SNX29: variants seen among roughly 807,000 people sequenced by gnomAD.
The protein encoded by SNX29 is sorting nexin-29.
In SNX29, 78 loss-of-function variants were observed where a neutral mutation model predicts 102.1. The ratio of observed to expected loss-of-function variants is 0.76; its 90% CI spans 0.64 to 0.92. The LOEUF (loss-of-function observed/expected upper bound fraction) is 0.92, where lower values mean the gene tolerates loss of function less well. Among genes scored for constraint, SNX29 ranks in the 40% least tolerant of loss-of-function variants. SNX29 has a pLI of 0.00. For synonymous variants in SNX29, 580 were observed against 414.5 expected, an observed-to-expected ratio of 1.40 and a Z score of -4.85; for missense variants, 1,280 against 1,061.7, an observed-to-expected ratio of 1.21 and a Z score of -2.86.
chr16:12,065,909 G>A (rs752859457), intron 9 of SNX29, among the ~76,000 whole-genome samples: 35 of 152,030 alleles, frequency 2.3e-4, no homozygotes, highest in African/African-American at 4.1e-4. Context: ...TTAAATTTTC[G>A]GGATCCATTT....
At chr16:12,136,444 C>G (rs954643070) in intron 13 of SNX29, among the ~76,000 whole-genome samples, 1 of 152,198 alleles carries the variant, frequency 6.6e-6, no homozygotes, top group Non-Finnish European at 1.5e-5. Context: ...CCTTTGATGG[C>G]AGAAACCCAC....
chr16:12,080,411 G>A (rs571204820), intron 11 of SNX29, among the ~76,000 whole-genome samples: 17 of 152,328 alleles, frequency 1.1e-4, no homozygotes, highest in Non-Finnish European at 2.1e-4. Context: ...ACTCCGCTGA[G>A]CAGGTGTTAA....
intron 11 of SNX29, among the ~76,000 whole-genome samples, chr16:12,100,483 C>G (rs1334027300): frequency 6.6e-6 from 1 of 152,108 alleles, no homozygotes; most frequent in Non-Finnish European, 1.5e-5. Flanking sequence ...GCTCTGTCCT[C>G]TACGGTAAAG....
intron 5 of SNX29, among the ~76,000 whole-genome samples, chr16:12,046,086 C>T (rs1345720400): frequency 6.6e-6 from 1 of 152,282 alleles, no homozygotes; most frequent in Non-Finnish European, 1.5e-5. Context: ...TGGAAGTCAC[C>T]CACCTGACAG....
chr16:12,129,167 T>A (rs1262486620), intron 12 of SNX29, among the ~76,000 whole-genome samples: 1 of 152,256 alleles, frequency 6.6e-6, no homozygotes, highest in Non-Finnish European at 1.5e-5. Context: ...TAGACGTTTA[T>A]GAGATAATCT....
At chr16:12,190,461 A>G (rs556020875) in intron 13 of SNX29, among the ~76,000 whole-genome samples, 1 of 151,984 alleles carries the variant, frequency 6.6e-6, no homozygotes, top group African/African-American at 2.4e-5. Context: ...CTGGGGGCAG[A>G]GGAGGGAGCT....
At chr16:12,499,491 C>T (rs992914043) in intron 19 of SNX29, among the ~76,000 whole-genome samples, 6 of 152,148 alleles carry the variant, frequency 3.9e-5, no homozygotes, top group Non-Finnish European at 5.9e-5. Context: ...TGTGCTTAGG[C>T]CACATAGCTC....
chr16:12,544,183 G>A (rs1015067301), intron 20 of SNX29, among the ~76,000 whole-genome samples: 2 of 152,188 alleles, frequency 1.3e-5, no homozygotes, highest in Non-Finnish European at 2.9e-5. Flanking sequence ...TCGGTGGTGT[G>A]CACATCAGCC....
intron 16 of SNX29, among the ~76,000 whole-genome samples, chr16:12,393,449 G>C (rs149199302): frequency 7.2e-6 from 1 of 138,658 alleles, no homozygotes; most frequent in Non-Finnish European, 1.5e-5. Flanking sequence ...GTTAGTTCGT[G>C]CCTACATGTG....
At chr16:12,446,471 G>A (rs1291817607) in intron 18 of SNX29, among the ~76,000 whole-genome samples, 1 of 152,216 alleles carries the variant, frequency 6.6e-6, no homozygotes, top group East Asian at 1.9e-4. Flanking sequence ...TGTAGTAACT[G>A]CCTCTAATTG....
chr16:12,566,754 C>G (rs1037053420), intron 20 of SNX29, among the ~76,000 whole-genome samples: 2 of 152,208 alleles, frequency 1.3e-5, no homozygotes, highest in Non-Finnish European at 2.9e-5. Context: ...CAGCCAGACA[C>G]CCACCTAAAG....
At chr16:12,395,319 C>A (rs61098049) in intron 16 of SNX29, among the ~76,000 whole-genome samples, 14,886 of 152,174 alleles carry the variant, frequency 0.098, 829 homozygotes, top group Middle Eastern at 0.17. Flanking sequence ...TGTCCCTGCT[C>A]CCCATCTGCC....
At chr16:12,428,335 G>A (rs2085166920) in intron 18 of SNX29, among the ~76,000 whole-genome samples, 1 of 152,206 alleles carries the variant, frequency 6.6e-6, no homozygotes, top group East Asian at 1.9e-4. Flanking sequence ...AGAACTCAGG[G>A]TGGTGTCCAT....
chr16:12,202,216 T>G (rs1477731834), intron 14 of SNX29, among the ~76,000 whole-genome samples: 4 of 152,228 alleles, frequency 2.6e-5, no homozygotes, highest in Non-Finnish European at 5.9e-5. Flanking sequence ...AACCTTTAAT[T>G]TTACAGGTAT....
intron 20 of SNX29, among the ~76,000 whole-genome samples, chr16:12,562,558 T>G (rs1260925471): frequency 6.6e-6 from 1 of 152,128 alleles, no homozygotes; most frequent in East Asian, 1.9e-4. Context: ...TAAGACACTG[T>G]CCCCGTGGTC....
intron 9 of SNX29, among the ~76,000 whole-genome samples, chr16:12,063,415 C>G (rs1466154564): frequency 1.9e-5 from 2 of 108,052 alleles, no homozygotes; most frequent in Non-Finnish European, 4.0e-5. Context: ...CACTCTGTCA[C>G]CCAGGCTGGA....
chr16:12,228,643 C>T lies in SNX29; in HGVS notation c.1678+28960C>T, dbSNP rs141514757. On this transcript the variant is annotated intron_variant, in intron 14 of 20. Transcript: ENST00000566228. Reference sequence around the variant, plus strand: ...AAAACCCTGCCTGACTTGGCCCTGCCCACCTTTTCAACCCTGTCTGGTGCG... The same window carrying T: ...AAAACCCTGCCTGACTTGGCCCTGCTCACCTTTTCAACCCTGTCTGGTGCG... Among the ~76,000 whole-genome samples, 576 of 152,338 alleles carry T rather than the reference C, an allele frequency of 3.8e-3. 2 individuals are homozygous for T. Among genetic ancestry groups the T allele is most frequent in the Non-Finnish European group, 4.7e-3 (319 of 68,032 alleles).
At chr16:12,419,069 A>G (rs10852348) in intron 18 of SNX29, among the ~76,000 whole-genome samples, 84,300 of 152,010 alleles carry the variant, frequency 0.55, 23,919 homozygotes, top group East Asian at 0.62. Context: ...ACAACAGAGA[A>G]TATCCTATCC....
At chr16:12,228,887 C>T (rs1337667316) in intron 14 of SNX29, among the ~76,000 whole-genome samples, 5 of 152,360 alleles carry the variant, frequency 3.3e-5, no homozygotes, top group African/African-American at 4.8e-5. Context: ...GCTGGTGATG[C>T]GGGGCAGGCT....
Sources: gnomAD v4.1 joint callset for allele counts (sites outside exome capture counted in the v4.1 genomes callset) on GRCh38, gnomAD v4.1.1 for gene constraint, MANE v1.5 for transcripts, NCBI Gene and HGNC (gene_info 2026-07-23, HGNC 2026-07-21) for gene names.